The following PCNX2 variants were observed in gnomAD, a reference collection of about 807,000 sequenced individuals.
PCNX2 encodes pecanex-like protein 2.
Under a neutral mutation model 223.8 loss-of-function variants are expected in PCNX2, and 168 were observed. That is an observed-to-expected ratio of 0.75 (90% CI 0.66 to 0.85). The LOEUF (loss-of-function observed/expected upper bound fraction) is 0.85, where lower values mean the gene tolerates loss of function less well. PCNX2 is among the 40% of genes least tolerant of loss of function. The pLI, the probability that PCNX2 is intolerant of heterozygous loss-of-function variation, is 0.00. For synonymous variants in PCNX2, 1,006 were observed against 1,052.6 expected (o/e 0.96, Z 0.86); for missense variants, 2,507 against 2,675.5 (o/e 0.94, Z 1.39).
In PCNX2 at chr1:233,115,140, T is replaced by C. The variant is rs146570012; in HGVS notation, c.3838-19277A>G. On this transcript the variant is annotated intron_variant, in intron 21 of 33. Transcript: ENST00000258229. ...ATTGGGTGTCAGGGCTTCAGGGAAA[T>C]AGATTGAGACTACTACAACCAGGGA... 1.7e-3 allele frequency among the ~76,000 whole-genome samples: 255 copies of C among 151,082 alleles called. 3 individuals are homozygous for C. The highest frequency in any genetic ancestry group is 6.8e-3 in the Middle Eastern group (2 of 292).
At chr1:233,318,452 C>T in the PCNX2 span, among the ~76,000 whole-genome samples, 1 of 151,860 alleles carries the variant, frequency 6.6e-6, no homozygotes, top group Non-Finnish European at 1.5e-5. Flanking sequence ...AGTTGAGTGA[C>T]CTCAATGGCT....
chr1:233,097,627 A>G (rs1478011761), intron 21 of PCNX2, among the ~76,000 whole-genome samples: 2 of 152,160 alleles, frequency 1.3e-5, no homozygotes, highest in Non-Finnish European at 2.9e-5. Context: ...AGTGCCTTTG[A>G]GAGTATGTCA....
intron 1 of PCNX2, chr1:233,293,822 A>G (rs1169060766): frequency 2.7e-6 from 1 of 365,924 alleles, no homozygotes; most frequent in Non-Finnish European, 3.8e-6. Flanking sequence ...GCTCAAGCTC[A>G]TATTAGGTCT....
Position 233,259,087 on chromosome 1 carries a change from G to A in PCNX2, c.775C>T (p.Leu259=). The A allele has an allele frequency of 6.2e-7, 1 of 1,613,998 alleles. No homozygotes were observed. Among genetic ancestry groups the A allele is most frequent in the Non-Finnish European group, 8.5e-7 (1 of 1,179,878 alleles). Residue 259 remains leucine (L), a synonymous_variant, in exon 5 of 34, where the codon CTG becomes TTG. Transcript: ENST00000258229. ...DKGPLKKLPH[L]SLSQYDLLET... ...AGTAAGTCATACTGAGACAAAGACA[G>A]GTGGGGCAACTTCTTCAAGGGTCCC...
chr1:233,167,841 T>C (rs1023733554), intron 17 of PCNX2: 24 of 956,106 alleles, frequency 2.5e-5, no homozygotes, highest in Non-Finnish European at 3.0e-5. Flanking sequence ...TAAATAACTT[T>C]TTGCTCATTT....
intron 19 of PCNX2, among the ~76,000 whole-genome samples, chr1:233,156,119 A>G (rs1558290563): frequency 6.6e-6 from 1 of 152,220 alleles, no homozygotes; most frequent in Non-Finnish European, 1.5e-5. Context: ...GTGAAACAGC[A>G]TATCAAGGTT....
At chr1:233,196,406 T>C (rs1680737265) in intron 15 of PCNX2, among the ~76,000 whole-genome samples, 1 of 151,934 alleles carries the variant, frequency 6.6e-6, no homozygotes, top group Non-Finnish European at 1.5e-5. Flanking sequence ...TTTCAAAATA[T>C]ACTGTTAAAA....
rs1441893619 is a variant in PCNX2, at chr1:232,986,361, C to G, written c.5971G>C (p.Ala1991Pro). 1 of 1,601,138 alleles carries G rather than the reference C, an allele frequency of 6.2e-7. No individual in the cohort carries two copies. Among genetic ancestry groups the G allele is most frequent in the Non-Finnish European group, 8.5e-7 (1 of 1,173,888 alleles). ...GGGGGCTGAGAGTGCAGGGACGTGG[C>G]CGAGGCGTGCAAGGAGAGCCGGCTG... The part of the protein sequence containing the change: ...SGSRLSLHAS[A>P]TSLHSQPPPV... Residue 1991 changes from alanine to proline, a missense_variant, in exon 33 of 34, where the codon GCC becomes CCC. Physicochemically the swap from Ala to Pro is conservative, Grantham distance 27 (BLOSUM62 -1). This residue lies in a region of PCNX2 where 1,372 missense variants were observed against 1,509.4 expected (regional missense o/e 0.91). Transcript: ENST00000258229.
chr1:233,030,406 T>C (rs1283921385), intron 25 of PCNX2, among the ~76,000 whole-genome samples: 4 of 152,202 alleles, frequency 2.6e-5, no homozygotes, highest in Non-Finnish European at 5.9e-5. Context: ...AGTGTGTTTG[T>C]ATTTATAGTT....
intron 19 of PCNX2, among the ~76,000 whole-genome samples, chr1:233,151,555 C>A (rs1457388506): frequency 6.6e-6 from 1 of 152,226 alleles, no homozygotes; most frequent in African/African-American, 2.4e-5. Flanking sequence ...GGTTTATCAG[C>A]AATTTAAGAG....
chr1:233,250,571 T>G, intron 8 of PCNX2, 168 bp downstream of exon 8: 15 of 985,408 alleles, frequency 1.5e-5, no homozygotes, highest in Non-Finnish European at 1.8e-5. Flanking sequence ...TTATTTTTCA[T>G]TATTTCACAA....
At chr1:233,081,662 A>G (rs1160976084) in intron 23 of PCNX2, among the ~76,000 whole-genome samples, 9 of 152,230 alleles carry the variant, frequency 5.9e-5, no homozygotes, top group Admixed American at 5.9e-4. Flanking sequence ...CTTTTGAGCT[A>G]TAAATGTTTT....
intron 21 of PCNX2, among the ~76,000 whole-genome samples, chr1:233,110,095 T>TA (rs749337453): frequency 1.6e-4 from 24 of 149,448 alleles, no homozygotes; most frequent in East Asian, 3.9e-4. Flanking sequence ...TCTCAAAAAA[T>TA]AAAAAAAATT....
Position 233,111,866 on chromosome 1 carries a change from G to A in PCNX2, c.3838-16003C>T, listed in dbSNP as rs556593383. Among the ~76,000 whole-genome samples, 6 of 152,234 alleles carry A rather than the reference G, an allele frequency of 3.9e-5. No individual in the cohort carries two copies. In the South Asian group the frequency reaches 1.2e-3, roughly 31 times the overall value. The stretch of plus-strand genomic sequence containing the variant: ...TAATGCTTTTCAGAAAGTGAAACAA[G>A]TGACTGAAGGCCTCAGGTATTGTTC... On this transcript the variant is annotated intron_variant, in intron 21 of 33. Transcript: ENST00000258229.
intron 24 of PCNX2, 74 bp from the exon 25 acceptor site, chr1:233,054,557 T>C: frequency 8.2e-7 from 1 of 1,214,618 alleles, no homozygotes; most frequent in Non-Finnish European, 1.2e-6. Context: ...AAACAGTGAG[T>C]TGTCATCTGA....
chr1:233,184,412 T>C (rs1296750961), intron 15 of PCNX2, among the ~76,000 whole-genome samples: 6 of 152,054 alleles, frequency 3.9e-5, no homozygotes, highest in Admixed American at 1.3e-4. Context: ...CCCAGCAAAG[T>C]TGAATGTCAG....
intron 25 of PCNX2, among the ~76,000 whole-genome samples, chr1:233,031,392 T>C (rs556590231): frequency 6.6e-6 from 1 of 152,348 alleles, no homozygotes; most frequent in African/African-American, 2.4e-5. Context: ...ACAAAGTTGT[T>C]GATGCATTGA....
intron 25 of PCNX2, among the ~76,000 whole-genome samples, chr1:233,051,954 G>A (rs897025809): frequency 1.3e-5 from 2 of 152,180 alleles, no homozygotes; most frequent in Non-Finnish European, 2.9e-5. Context: ...CAGTTCTATT[G>A]TATTATTGCA....
intron 25 of PCNX2, among the ~76,000 whole-genome samples, chr1:233,052,562 T>C (rs1043649355): frequency 6.6e-6 from 1 of 152,122 alleles, no homozygotes; most frequent in African/African-American, 2.4e-5. Context: ...TCTCCTCTGG[T>C]CCTTAACCTG....
Sources: allele counts gnomAD v4.1 joint callset (sites outside exome capture counted in the v4.1 genomes callset), GRCh38; gene constraint gnomAD v4.1.1; regional missense constraint gnomAD v4.1.1; transcripts MANE v1.5; gene names NCBI Gene and HGNC (gene_info 2026-07-23, HGNC 2026-07-21).